The following FRMD4A variants were observed in gnomAD, a reference collection of about 807,000 sequenced individuals.
The protein encoded by FRMD4A is FERM domain-containing protein 4A.
In FRMD4A, 29 loss-of-function variants were observed where a neutral mutation model predicts 129.1. The observed-to-expected ratio is 0.22, with a 90% CI of 0.17 to 0.31. The LOEUF (loss-of-function observed/expected upper bound fraction) is 0.31. Ranked by LOEUF, FRMD4A falls within the 10% of genes least tolerant of loss-of-function variation. The pLI, the probability that FRMD4A is intolerant of heterozygous loss-of-function variation, is 1.00. For missense variants in FRMD4A, 1,272 were observed against 1,375.8 expected (o/e 0.92, Z 1.19); for synonymous variants, 634 against 571.6 (o/e 1.11, Z -1.56).
intron 2 of FRMD4A, among the ~76,000 whole-genome samples, chr10:14,024,030 A>C (rs1012039282): frequency 6.6e-6 from 1 of 152,196 alleles, no homozygotes; most frequent in Non-Finnish European, 1.5e-5. Context: ...TCATTCAGGG[A>C]ATAGCTACTG....
At chr10:13,859,728 G>A (rs1430339046) in intron 2 of FRMD4A, among the ~76,000 whole-genome samples, 4 of 152,040 alleles carry the variant, frequency 2.6e-5, no homozygotes, top group African/African-American at 4.8e-5. Context: ...TTAGTTAATC[G>A]GCCCCCTCCT....
At chr10:13,878,084 G>T (rs1266350415) in intron 2 of FRMD4A, among the ~76,000 whole-genome samples, 2 of 152,150 alleles carry the variant, frequency 1.3e-5, no homozygotes, top group Non-Finnish European at 2.9e-5. Context: ...TATATCCAGG[G>T]TGCATATCAT....
chr10:14,154,123 A>G (rs1465220430), intron 2 of FRMD4A, among the ~76,000 whole-genome samples: 1 of 152,092 alleles, frequency 6.6e-6, no homozygotes, highest in Non-Finnish European at 1.5e-5. Flanking sequence ...GTGACGCCCG[A>G]TAGGTTAGGC....
intron 2 of FRMD4A, among the ~76,000 whole-genome samples, chr10:13,952,334 C>CA (rs1444111186): frequency 6.6e-6 from 1 of 151,688 alleles, no homozygotes; most frequent in Non-Finnish European, 1.5e-5. Flanking sequence ...CCTATCTCTA[C>CA]AAAAAAATTT....
chr10:14,107,868 T>A (rs933012798), intron 2 of FRMD4A, among the ~76,000 whole-genome samples: 1 of 152,212 alleles, frequency 6.6e-6, no homozygotes, highest in Non-Finnish European at 1.5e-5. Context: ...TTTGGGTTAT[T>A]CCAGGTTGCT....
chr10:13,996,955 T>G (rs192321624), intron 2 of FRMD4A, among the ~76,000 whole-genome samples: 1 of 151,434 alleles, frequency 6.6e-6, no homozygotes, highest in African/African-American at 2.4e-5. Flanking sequence ...CCCTGACCCA[T>G]GATTACATCA....
At chr10:14,120,530 A>G (rs1838447099) in intron 2 of FRMD4A, among the ~76,000 whole-genome samples, 1 of 152,252 alleles carries the variant, frequency 6.6e-6, no homozygotes, top group African/African-American at 2.4e-5. Context: ...TTCACTACTC[A>G]GTAGATTATT....
chr10:14,198,190 T>G (rs1826841519), intron 2 of FRMD4A, among the ~76,000 whole-genome samples: 1 of 152,138 alleles, frequency 6.6e-6, no homozygotes, highest in Non-Finnish European at 1.5e-5. Context: ...CATAGATCAT[T>G]TACTTGGGAT....
chr10:13,894,567 G>A (rs183079422), intron 2 of FRMD4A, among the ~76,000 whole-genome samples: 66 of 152,234 alleles, frequency 4.3e-4, no homozygotes, highest in Middle Eastern at 3.4e-3. Flanking sequence ...TAAAGACTGC[G>A]GGTGGCTTCT....
intron 2 of FRMD4A, among the ~76,000 whole-genome samples, chr10:13,898,346 A>G (rs757761005): frequency 2.6e-5 from 4 of 152,188 alleles, no homozygotes; most frequent in Non-Finnish European, 4.4e-5. Flanking sequence ...AGTCTGGGTG[A>G]CAGAGAGAGA....
At chr10:13,883,392 T>C (rs557729170) in intron 2 of FRMD4A, among the ~76,000 whole-genome samples, 1 of 152,204 alleles carries the variant, frequency 6.6e-6, no homozygotes, top group South Asian at 2.1e-4. Flanking sequence ...CTCGGGAGGC[T>C]AAGGCAGGAT....
At chr10:14,260,395 G>A (rs1844760711) in intron 2 of FRMD4A, among the ~76,000 whole-genome samples, 1 of 152,194 alleles carries the variant, frequency 6.6e-6, no homozygotes, top group African/African-American at 2.4e-5. Flanking sequence ...TGGTGGCTGT[G>A]TCAACAGGTC....
chr10:13,938,229 T>C (rs11258731), intron 2 of FRMD4A, among the ~76,000 whole-genome samples: 14,675 of 151,556 alleles, frequency 0.097, 792 homozygotes, highest in Middle Eastern at 0.18. Context: ...TTTTTTGTTG[T>C]TGCTGTTTGT....
At position 13,796,712 on chromosome 10, in the gene FRMD4A, T is replaced by A. The variant is rs573364836; in HGVS notation, c.207-124A>T. The A allele has an allele frequency of 4.6e-5, 27 of 590,684 alleles. No homozygotes were observed. The South Asian group carries it at 4.7e-4, about 10-fold the overall frequency. The allele number at this position is 590,684 out of a possible 1,614,324, so 36.6% of individuals were successfully genotyped here. On this transcript the variant is annotated intron_variant, in intron 4 of 24. Transcript: ENST00000357447. ...TAAATTTGAACCTTCACCTTATTTTTAATTTTTTTTTAGTTTTTATTTTTT... is the reference window on the plus strand; with the variant it reads ...TAAATTTGAACCTTCACCTTATTTTAAATTTTTTTTTAGTTTTTATTTTTT...
chr10:13,792,963 AT>A (rs764696836), intron 5 of FRMD4A, among the ~76,000 whole-genome samples: 1 of 152,154 alleles, frequency 6.6e-6, no homozygotes, highest in Non-Finnish European at 1.5e-5. Flanking sequence ...GTTATTTAAT[AT>A]ATTTGGGTCT....
rs114068538 is a variant in FRMD4A, at chr10:14,320,109, T to A, written c.45+9949A>T. 8.9e-3 allele frequency among the ~76,000 whole-genome samples: 1,347 copies of A among 152,172 alleles called. 18 individuals carry two copies. The highest frequency in any genetic ancestry group is 0.031 in the African/African-American group (1,282 of 41,510). On this transcript the variant is annotated intron_variant, in intron 2 of 24. Coordinates refer to ENST00000357447, the MANE Select transcript of FRMD4A (RefSeq NM_018027.5). ...CCTCTTTACCTCCCGCCCAAATTCA[T>A]GCAATTGCCTCTAAACTGGCCCTCT...
At chr10:13,857,658 T>C (rs1292360540) in intron 3 of FRMD4A, among the ~76,000 whole-genome samples, 2 of 152,162 alleles carry the variant, frequency 1.3e-5, no homozygotes, top group Admixed American at 6.5e-5. Flanking sequence ...CCCTTCGAAG[T>C]AGCATCACTT....
At chr10:13,920,354 GA>G (rs1263303363) in intron 2 of FRMD4A, among the ~76,000 whole-genome samples, 1 of 152,176 alleles carries the variant, frequency 6.6e-6, no homozygotes, top group African/African-American at 2.4e-5. Context: ...AAGCTATGAT[GA>G]GGTTCTTGAA....
chr10:13,970,366 C>A (rs1260778258), intron 2 of FRMD4A, among the ~76,000 whole-genome samples: 7 of 152,164 alleles, frequency 4.6e-5, no homozygotes, highest in African/African-American at 7.2e-5. Context: ...TGAAATCAAC[C>A]CGACACCCTT....
Sources: allele counts gnomAD v4.1 joint callset (sites outside exome capture counted in the v4.1 genomes callset), GRCh38; gene constraint gnomAD v4.1.1; transcripts MANE v1.5; gene names NCBI Gene and HGNC (gene_info 2026-07-23, HGNC 2026-07-21).